ANKRD24: variants seen among roughly 807,000 people sequenced by gnomAD.
The protein encoded by ANKRD24 is ankyrin repeat domain-containing protein 24.
In ANKRD24, 109 loss-of-function variants were observed where a neutral mutation model predicts 127.8. The observed-to-expected ratio is 0.85, with a 90% confidence interval of 0.73 to 1.00. The LOEUF (loss-of-function observed/expected upper bound fraction) is 1.00, where lower values mean the gene tolerates loss of function less well. ANKRD24 is among the 50% of genes least tolerant of loss of function. The probability of loss-of-function intolerance (pLI) is 0.00; values close to 1 mark genes in which losing one functional copy is unlikely to be tolerated. For synonymous variants in ANKRD24, 743 were observed against 671.1 expected, an observed-to-expected ratio of 1.11 and a Z score of -1.66; for missense variants, 1,648 against 1,570.2, an observed-to-expected ratio of 1.05 and a Z score of -0.84.
chr19:4,207,691 C>G, intron 9 of ANKRD24, 84 bp downstream of exon 9: 2 of 1,591,458 alleles, frequency 1.3e-6, no homozygotes, highest in East Asian at 2.3e-5. Flanking sequence ...ATCTAGCCAG[C>G]CTCCTCTTCC....
At chr19:4,202,610 G>A (rs893230891) in intron 6 of ANKRD24, among the ~76,000 whole-genome samples, 3 of 152,064 alleles carry the variant, frequency 2.0e-5, no homozygotes, top group African/African-American at 7.2e-5. Context: ...TATTTCCTGA[G>A]CTCTGTTTCT....
At position 4,222,768 on chromosome 19, in the gene ANKRD24, G is replaced by GCACCT; in HGVS notation, c.3270_3271insCACCT (p.Val1091HisfsTer3). ...CTGAGGTGGAGGCTCTCCGTGACCA[G>GCACCT]GTGAAGGATTTACAGCAGCAGCTGC... On this transcript the variant is annotated frameshift_variant, in exon 20 of 22. Transcript: ENST00000318934. LOFTEE classifies it high-confidence loss of function. 1.9e-6 allele frequency: 3 copies of GCACCT among 1,610,850 alleles called. No individual in the cohort carries two copies. The highest frequency in any genetic ancestry group is 1.7e-6 in the Non-Finnish European group (2 of 1,177,856).
At chr19:4,190,334 C>T (rs941090011) in intron 2 of ANKRD24, among the ~76,000 whole-genome samples, 5 of 151,562 alleles carry the variant, frequency 3.3e-5, no homozygotes, top group Admixed American at 6.6e-5. Context: ...ACTCGGGAGG[C>T]TGAGGCATGA....
intron 20 of ANKRD24, among the ~76,000 whole-genome samples, chr19:4,223,392 TATA>T (rs1410245330): frequency 4.2e-4 from 36 of 86,672 alleles, no homozygotes; most frequent in South Asian, 1.2e-3. Flanking sequence ...TATATATATA[TATA>T]TATATATTTT....
intron 13 of ANKRD24, 121 bp downstream of exon 13, chr19:4,210,493 C>A: frequency 1.1e-6 from 1 of 923,296 alleles, no homozygotes; most frequent in Non-Finnish European, 1.6e-6. Context: ...CACCCTGCTG[C>A]AGCCACCTGG....
In ANKRD24 at chr19:4,217,007, C is replaced by G. The variant is rs749935492; in HGVS notation, c.1847C>G (p.Ala616Gly). The change falls in exon 18 of 22, where the codon GCA becomes GGA. Residue 616 changes from alanine to glycine, a missense_variant. Physicochemically the swap from Ala to Gly is moderately conservative, Grantham distance 60 (BLOSUM62 0). Transcript: ENST00000318934. ...VREMETTEEE[A>G]NMETKPTGAQ... ...GAAATGGAGACCACAGAAGAAGAAGCAAACATGGAAACTAAGCCCACAGGA... is the reference window on the plus strand; with the variant it reads ...GAAATGGAGACCACAGAAGAAGAAGGAAACATGGAAACTAAGCCCACAGGA... The G allele has an allele frequency of 2.5e-6, 4 of 1,613,546 alleles. No individual in the cohort carries two copies. The highest frequency in any genetic ancestry group is 4.5e-5 in the East Asian group (2 of 44,888).
At chr19:4,193,814 G>T (rs1414234079) in intron 2 of ANKRD24, among the ~76,000 whole-genome samples, 1 of 107,036 alleles carries the variant, frequency 9.3e-6, no homozygotes, top group Non-Finnish European at 2.2e-5. Flanking sequence ...TCCAGCCTGG[G>T]CGACAGAGCG....
In ANKRD24 at chr19:4,199,848, C is replaced by T. The variant is rs1205693939; in HGVS notation, c.124-27C>T. On this transcript the variant is annotated intron_variant, in intron 3 of 21. Coordinates refer to ENST00000318934, the MANE Select transcript of ANKRD24 (RefSeq NM_001393985.1). The surrounding 1 kb of genome is among the most constrained non-coding windows in gnomAD (Gnocchi z 5.2). ...GGAGGGGACAGCAGCCAACACTGCC[C>T]CACGCACTTCTGGGCGTGCCCTGCA... 12 of 1,552,718 alleles carry T rather than the reference C, an allele frequency of 7.7e-6. No homozygotes were observed. The highest frequency in any genetic ancestry group is 7.3e-5 in the East Asian group (3 of 41,340).
At chr19:4,209,559 C>T (rs1366120224) in intron 11 of ANKRD24, among the ~76,000 whole-genome samples, 1 of 152,152 alleles carries the variant, frequency 6.6e-6, no homozygotes, top group African/African-American at 2.4e-5. Flanking sequence ...AAGTGATTCT[C>T]CTGCCTCAGT....
At chr19:4,209,155 G>A (rs11085064) in intron 11 of ANKRD24, among the ~76,000 whole-genome samples, 25,646 of 152,038 alleles carry the variant, frequency 0.17, 2,516 homozygotes, top group East Asian at 0.34. Context: ...CTGTCGCCCA[G>A]GCTGGAGTAC....
chr19:4,203,393 C>A (rs1436466008), intron 7 of ANKRD24, among the ~76,000 whole-genome samples: 1 of 151,856 alleles, frequency 6.6e-6, no homozygotes, highest in African/African-American at 2.4e-5. Context: ...GTTGCCCAGG[C>A]TGAAGTACAG....
At chr19:4,209,010 A>AT in intron 11 of ANKRD24, 1 of 307,850 alleles carries the variant, frequency 3.2e-6, no homozygotes, top group South Asian at 3.0e-5. Context: ...ATGGGGCCAA[A>AT]TTATGGGGCT....
intron 1 of ANKRD24, 21 bp downstream of exon 1, chr19:4,182,761 G>C (rs191441879): frequency 2.0e-6 from 2 of 985,306 alleles, no homozygotes; most frequent in Admixed American, 6.1e-5. Flanking sequence ...GGCTTGGGAA[G>C]GGGCTCCCCG....
At chr19:4,189,594 C>T (rs1001250683) in intron 2 of ANKRD24, among the ~76,000 whole-genome samples, 1 of 151,784 alleles carries the variant, frequency 6.6e-6, no homozygotes, top group Non-Finnish European at 1.5e-5. Context: ...CTATGTTGTC[C>T]AGGCTGGTCT....
intron 11 of ANKRD24, among the ~76,000 whole-genome samples, chr19:4,209,834 A>G (rs1044850246): frequency 1.3e-5 from 2 of 152,196 alleles, no homozygotes; most frequent in Non-Finnish European, 2.9e-5. Flanking sequence ...AAGAACTGAG[A>G]GACAGAGAGG....
In ANKRD24 at chr19:4,212,501, C is replaced by G. The variant is rs1344215292; in HGVS notation, c.1086C>G (p.Ile362Met). ...QESPEASSLH[I>M]LERQVQELQQ... The stretch of plus-strand genomic sequence containing the variant: ...CCCCGGAGGCCAGCTCCCTGCACAT[C>G]CTGGAGAGACAGGTAGGTGGGAAGG... Residue 362 changes from isoleucine to methionine, a missense_variant, in exon 14 of 22, where the codon ATC (isoleucine) becomes ATG (methionine). Physicochemically the swap from Ile to Met is conservative, Grantham distance 10 (BLOSUM62 1). Coordinates refer to ENST00000318934, the MANE Select transcript of ANKRD24 (RefSeq NM_001393985.1). 4.5e-6 allele frequency: 7 copies of G among 1,567,468 alleles called. No homozygotes were observed. The East Asian group carries it at 1.6e-4, about 37-fold the overall frequency.
chr19:4,221,082 C>G (rs1970415398), intron 19 of ANKRD24, among the ~76,000 whole-genome samples: 2 of 151,362 alleles, frequency 1.3e-5, no homozygotes, highest in East Asian at 3.9e-4. Flanking sequence ...TTTTTTGTTT[C>G]TTTCTTTTTT....
At chr19:4,219,812 T>C in intron 19 of ANKRD24, 54 bp downstream of exon 19, 1 of 1,518,120 alleles carries the variant, frequency 6.6e-7, no homozygotes, top group Non-Finnish European at 8.9e-7. Context: ...CAGCAAAGGT[T>C]GGGGCCAATC....
chr19:4,190,597 G>T (rs1220709015), intron 2 of ANKRD24, among the ~76,000 whole-genome samples: 1 of 152,100 alleles, frequency 6.6e-6, no homozygotes, highest in Non-Finnish European at 1.5e-5. Context: ...GCCGGGCATG[G>T]TGGTGGGCAC....
Sources: gnomAD v4.1 joint callset for allele counts (sites outside exome capture counted in the v4.1 genomes callset) on GRCh38, gnomAD v4.1.1 for gene constraint, Gnocchi (gnomAD v3.1) non-coding constraint, MANE v1.5 for transcripts, NCBI Gene and HGNC (gene_info 2026-07-23, HGNC 2026-07-21) for gene names.